The following MYO5C variants were observed in gnomAD, a reference collection of about 807,000 sequenced individuals.
The protein encoded by MYO5C is unconventional myosin-Vc.
A neutral mutation model predicts 235.7 loss-of-function variants in MYO5C; 194 were observed. The observed-to-expected ratio is 0.82, with a 90% CI of 0.73 to 0.93. MYO5C has a LOEUF of 0.93. Among genes scored for constraint, MYO5C ranks in the 40% least tolerant of loss-of-function variants. The pLI is 0.00. For synonymous variants in MYO5C, 707 were observed against 754.8 expected, an observed-to-expected ratio of 0.94 and a Z score of 1.04; for missense variants, 2,038 against 2,127.2, an observed-to-expected ratio of 0.96 and a Z score of 0.82.
At chr15:52,283,712 G>A (rs2037205243) in intron 1 of MYO5C, among the ~76,000 whole-genome samples, 1 of 150,936 alleles carries the variant, frequency 6.6e-6, no homozygotes, top group African/African-American at 2.4e-5. Context: ...TTTCATTCTT[G>A]TTGCCCAGGC....
chr15:52,258,422 C>G (rs890358140), intron 10 of MYO5C, among the ~76,000 whole-genome samples: 1 of 152,168 alleles, frequency 6.6e-6, no homozygotes, highest in Admixed American at 6.5e-5. Flanking sequence ...GACCCCCAGA[C>G]CCAGGTTTTT....
chr15:52,263,899 T>C (rs757399940), intron 9 of MYO5C, among the ~76,000 whole-genome samples: 13 of 152,212 alleles, frequency 8.5e-5, no homozygotes, highest in Non-Finnish European at 1.5e-4. Context: ...TTCACTGCTG[T>C]TTCCCCAGAT....
intron 8 of MYO5C, among the ~76,000 whole-genome samples, chr15:52,267,611 C>T (rs2036838577): frequency 6.6e-6 from 1 of 152,000 alleles, no homozygotes; most frequent in African/African-American, 2.4e-5. Flanking sequence ...GCTTGAGTCC[C>T]GGAGGCAGAG....
chr15:52,244,352 A>C lies in MYO5C; in HGVS notation c.2390+4T>G. On this transcript the variant is annotated splice_donor_region_variant and intron_variant, in intron 19 of 40. Coordinates refer to ENST00000261839, the MANE Select transcript of MYO5C (RefSeq NM_018728.4). ...TCCACATGTGTTCCTTGATTCCAAC[A>C]TACCTCACAGTTTGCTGACCCCGGA... 6.2e-7 allele frequency: 1 copy of C among 1,611,612 alleles called. No homozygotes were observed. Among genetic ancestry groups the C allele is most frequent in the Non-Finnish European group, 8.5e-7 (1 of 1,179,020 alleles).
chr15:52,213,079 A>G, intron 34 of MYO5C, 109 bp downstream of exon 34: 1 of 733,282 alleles, frequency 1.4e-6, no homozygotes, highest in South Asian at 1.6e-5. Flanking sequence ...GGGAAGAAGC[A>G]GTGGAAGAAA....
intron 29 of MYO5C, among the ~76,000 whole-genome samples, chr15:52,221,479 C>T (rs1481837247): frequency 2.0e-5 from 3 of 152,128 alleles, no homozygotes. Flanking sequence ...TCTCACACAG[C>T]TACGACAGGG....
intron 11 of MYO5C, 123 bp from the exon 12 acceptor site, chr15:52,253,580 G>A (rs1197856382): frequency 7.5e-6 from 7 of 934,316 alleles, no homozygotes; most frequent in Admixed American, 2.7e-5. Flanking sequence ...TAAAAAGAAG[G>A]ACCCTGAAGT....
intron 16 of MYO5C, 100 bp downstream of exon 16, chr15:52,246,817 G>A: frequency 2.2e-6 from 2 of 912,034 alleles, no homozygotes; most frequent in South Asian, 1.7e-5. Flanking sequence ...AAAAAACCCA[G>A]AAACAGGGTA....
chr15:52,236,041 G>C (rs1305528940), intron 22 of MYO5C, among the ~76,000 whole-genome samples: 1 of 152,106 alleles, frequency 6.6e-6, no homozygotes, highest in Non-Finnish European at 1.5e-5. Flanking sequence ...CAATGTCAAG[G>C]ACATACTTCT....
chr15:52,237,598 G>A lies in MYO5C; in HGVS notation c.2752C>T (p.Leu918Phe), dbSNP rs977539426. The A allele has an allele frequency of 6.2e-7, 1 of 1,614,014 alleles. No individual in the cohort carries two copies. The highest frequency in any genetic ancestry group is 1.1e-5 in the South Asian group (1 of 91,076). Residue 918 changes from leucine to phenylalanine, a missense_variant, in exon 22 of 41, where the codon CTT (leucine) becomes TTT (phenylalanine). Coordinates refer to ENST00000261839, the MANE Select transcript of MYO5C (RefSeq NM_018728.4). Reference sequence around the variant, plus strand: ...ATCTTTTCCACATCCCCAGCTCGAAGAGCAGCCAGGCTAGTCAGCTTCTCC... The same window carrying A: ...ATCTTTTCCACATCCCCAGCTCGAAAAGCAGCCAGGCTAGTCAGCTTCTCC... The part of the protein sequence containing the change: ...LVEKLTSLAA[L>F]RAGDVEKIQK...
At chr15:52,226,833 G>A (rs1186226514) in intron 25 of MYO5C, among the ~76,000 whole-genome samples, 1 of 152,160 alleles carries the variant, frequency 6.6e-6, no homozygotes, top group Admixed American at 6.5e-5. Flanking sequence ...ATAACTTGAT[G>A]ATCATGAGTT....
Position 52,221,272 on chromosome 15 carries a change from G to T in MYO5C, c.3628-17C>A. 6 of 1,515,186 alleles carry T rather than the reference G, an allele frequency of 4.0e-6. No homozygotes were observed. The highest frequency in any genetic ancestry group is 5.4e-6 in the Non-Finnish European group (6 of 1,106,692). The allele number at this position is 1,515,186 out of a possible 1,614,324, so 93.9% of individuals were successfully genotyped here. On this transcript the variant is annotated splice_polypyrimidine_tract_variant and intron_variant, in intron 29 of 40. Transcript: ENST00000261839. ...TGGGATCATCTTTAGAGAAGAATTAGAAATATTAGAATATAAAATACTTTT... is the reference window on the plus strand; with the variant it reads ...TGGGATCATCTTTAGAGAAGAATTATAAATATTAGAATATAAAATACTTTT...
rs770671568 is a variant in MYO5C, at chr15:52,264,200, G to T, written c.1037C>A (p.Ser346Tyr). 1 of 1,611,348 alleles carries T rather than the reference G, an allele frequency of 6.2e-7. No individual in the cohort carries two copies. Among genetic ancestry groups the T allele is most frequent in the South Asian group, 1.1e-5 (1 of 90,958 alleles). Residue 346 changes from serine (S) to tyrosine (Y), a missense_variant, in exon 9 of 41, where the codon TCC (serine) becomes TAC (tyrosine). By Grantham distance (144) the Ser-to-Tyr change is moderately radical (BLOSUM62 -2). Coordinates refer to ENST00000261839, the MANE Select transcript of MYO5C (RefSeq NM_018728.4). The stretch of plus-strand genomic sequence containing the variant: ...AAATGAGCATCTCACACTAACTGAG[G>T]ACCTCTCGTTGCCCACCGCGGTGAT... ...VQITAVGNER[S>Y]SVSEDDSHLK...
rs771817390 is a variant in MYO5C at position 52,219,773 on chromosome 15, TTCC to T, written c.3768_3770del (p.Glu1257del). ...TTTACACTTACTTTCTTTGTGTTCCTTCCTCCTCTTGACTGCGATGTAACTGAT... is the reference window on the plus strand; with the variant it reads ...TTTACACTTACTTTCTTTGTGTTCCTTCCTCTTGACTGCGATGTAACTGAT... On this transcript the variant is annotated inframe_deletion, in exon 31 of 41. Coordinates refer to ENST00000261839, the MANE Select transcript of MYO5C (RefSeq NM_018728.4). The T allele has an allele frequency of 1.2e-6, 2 of 1,612,188 alleles. No individual in the cohort carries two copies. The highest frequency in any genetic ancestry group is 1.7e-6 in the Non-Finnish European group (2 of 1,178,630).
rs780454649 is a variant in MYO5C, at chr15:52,279,692, A to C, written c.139-18T>G. The stretch of plus-strand genomic sequence containing the variant: ...TCCAGCTCCTATGGACAAAGATAAA[A>C]ATTAAAGCTCTGGAAATAAAAGATT... On this transcript the variant is annotated intron_variant, in intron 2 of 40. Transcript: ENST00000261839. The C allele has an allele frequency of 6.3e-7, 1 of 1,593,334 alleles. No homozygotes were observed. Among genetic ancestry groups the C allele is most frequent in the Non-Finnish European group, 8.6e-7 (1 of 1,163,562 alleles).
At chr15:52,204,147 C>T (rs1053016425) in intron 38 of MYO5C, among the ~76,000 whole-genome samples, 1 of 152,100 alleles carries the variant, frequency 6.6e-6, no homozygotes, top group Non-Finnish European at 1.5e-5. Flanking sequence ...AACTAGATTC[C>T]CAAGTCTTCA....
In MYO5C at chr15:52,275,689, C is replaced by G. The variant is rs766807830; in HGVS notation, c.479G>C (p.Ser160Thr). The part of the protein sequence containing the change: ...RNNRNQSIIV[S>T]GESGAGKTVS... ...TGTCTTTCCAGCACCTGACTCCCCA[C>G]TTACAATTATGGACTGGTTTCTGTT... Residue 160 changes from serine to threonine, a missense_variant, in exon 5 of 41, where the codon AGT becomes ACT. By Grantham distance (58) the Ser-to-Thr change is moderately conservative. Coordinates refer to ENST00000261839, the MANE Select transcript of MYO5C (RefSeq NM_018728.4). The G allele has an allele frequency of 3.1e-6, 5 of 1,614,132 alleles. No homozygotes were observed. In the Admixed American group the frequency reaches 5.0e-5, roughly 16 times the overall value.
At position 52,242,227 on chromosome 15, in the gene MYO5C, G is replaced by C. The variant is rs762599131; in HGVS notation, c.2391-14C>G. On this transcript the variant is annotated splice_polypyrimidine_tract_variant and intron_variant, in intron 19 of 40. Transcript: ENST00000261839. ...GTAATAGCTTTCCTTGGTTAACAAG[G>C]ATGAAGAGTGAGTCTGTTACCCACA... The C allele has an allele frequency of 1.9e-6, 3 of 1,604,010 alleles. No homozygotes were observed. Among genetic ancestry groups the C allele is most frequent in the Non-Finnish European group, 2.6e-6 (3 of 1,174,656 alleles).
Position 52,232,719 on chromosome 15 carries a change from G to A in MYO5C, c.2963-34C>T, listed in dbSNP as rs748329497. 3 of 1,570,612 alleles carry A rather than the reference G, an allele frequency of 1.9e-6. No homozygotes were observed. In the Admixed American group the frequency reaches 5.0e-5, roughly 26 times the overall value. On this transcript the variant is annotated intron_variant, in intron 23 of 40. Transcript: ENST00000261839. ...AGAGAATGCTTTTTGAGATATGTCTGCCAAATCAATGCCTTGATTGTTTCA... is the reference window on the plus strand; with the variant it reads ...AGAGAATGCTTTTTGAGATATGTCTACCAAATCAATGCCTTGATTGTTTCA...
Sources: gnomAD v4.1 joint callset for allele counts (sites outside exome capture counted in the v4.1 genomes callset) on GRCh38, gnomAD v4.1.1 for gene constraint, MANE v1.5 for transcripts, NCBI Gene and HGNC (gene_info 2026-07-23, HGNC 2026-07-21) for gene names.